Variants in TENM3 observed in about 807,000 individuals in gnomAD.
The protein encoded by TENM3 is teneurin transmembrane protein 3.
Under a neutral mutation model 255.1 loss-of-function variants are expected in TENM3, and 63 were observed. The observed-to-expected ratio is 0.25, with a 90% CI of 0.20 to 0.30. TENM3 has a LOEUF of 0.30. TENM3 is among the 10% of genes least tolerant of loss of function. TENM3 has a pLI of 1.00. For missense variants in TENM3, 2,929 were observed against 3,461.1 expected (o/e 0.85, Z 3.86); for synonymous variants, 1,306 against 1,322.3 (o/e 0.99, Z 0.27).
intron 1 of TENM3, among the ~76,000 whole-genome samples, chr4:182,280,730 T>A (rs918661577): frequency 8.5e-5 from 13 of 152,154 alleles, no homozygotes; most frequent in African/African-American, 2.4e-4. Flanking sequence ...GCGGGTCAAT[T>A]GGACTTGCCA....
At chr4:182,455,248 A>G (rs911222949) in intron 3 of TENM3, among the ~76,000 whole-genome samples, 2 of 152,136 alleles carry the variant, frequency 1.3e-5, no homozygotes, top group Non-Finnish European at 2.9e-5. Flanking sequence ...ATGAAGTATA[A>G]ACTCTCATTC....
intron 3 of TENM3, among the ~76,000 whole-genome samples, chr4:182,382,380 CA>C (rs1325308559): frequency 1.3e-5 from 2 of 149,350 alleles, no homozygotes; most frequent in African/African-American, 4.9e-5. Context: ...TTTATATTTT[CA>C]AGTTATACCC....
At chr4:182,114,866 A>C in the TENM3 span, among the ~76,000 whole-genome samples, 1 of 152,110 alleles carries the variant, frequency 6.6e-6, no homozygotes, top group Non-Finnish European at 1.5e-5. Context: ...TTATTTTTTA[A>C]AATAGGGAAT....
the TENM3 span, among the ~76,000 whole-genome samples, chr4:181,573,264 G>A: frequency 6.6e-6 from 1 of 151,982 alleles, no homozygotes; most frequent in Non-Finnish European, 1.5e-5. Context: ...CCTAGCACTG[G>A]GATTGCTGGA....
At chr4:182,319,252 G>A (rs1762909900) in intron 1 of TENM3, among the ~76,000 whole-genome samples, 1 of 152,186 alleles carries the variant, frequency 6.6e-6, no homozygotes, top group South Asian at 2.1e-4. Flanking sequence ...CACTATCAAA[G>A]TGCTCTAACA....
chr4:181,512,092 A>G, the TENM3 span, among the ~76,000 whole-genome samples: 28 of 152,180 alleles, frequency 1.8e-4, 2 homozygotes, highest in East Asian at 4.7e-3. Flanking sequence ...TTCATTGCTC[A>G]CTACTGGCCC....
At chr4:182,213,877 C>CTGCAAG (rs1340808619) in intron 1 of TENM3, among the ~76,000 whole-genome samples, 1 of 152,146 alleles carries the variant, frequency 6.6e-6, no homozygotes, top group Non-Finnish European at 1.5e-5. Context: ...TCTCGGCTCA[C>CTGCAAG]TGCAAGCTCT....
At chr4:181,648,268 G>A in the TENM3 span, among the ~76,000 whole-genome samples, 16 of 152,148 alleles carry the variant, frequency 1.1e-4, no homozygotes, top group Non-Finnish European at 2.2e-4. Flanking sequence ...AGAACATGGA[G>A]ATACGGCTCT....
At chr4:182,338,785 A>AT (rs572299108) in intron 2 of TENM3, among the ~76,000 whole-genome samples, 246 of 151,748 alleles carry the variant, frequency 1.6e-3, no homozygotes, top group Non-Finnish European at 3.0e-3. Flanking sequence ...ATTTATTTGT[A>AT]TTTTTTTTGC....
the TENM3 span, among the ~76,000 whole-genome samples, chr4:181,493,712 C>T: frequency 2.0e-5 from 3 of 151,334 alleles, no homozygotes; most frequent in African/African-American, 7.3e-5. Flanking sequence ...CTATTGCACT[C>T]CAGCCTGGGC....
chr4:181,598,014 T>C, the TENM3 span, among the ~76,000 whole-genome samples: 3 of 152,162 alleles, frequency 2.0e-5, no homozygotes, highest in African/African-American at 7.2e-5. Flanking sequence ...TTCTGGCAGA[T>C]GTATGATGTA....
At chr4:182,733,431 G>A (rs1055988259) in intron 16 of TENM3, among the ~76,000 whole-genome samples, 4 of 144,100 alleles carry the variant, frequency 2.8e-5, no homozygotes, top group African/African-American at 1.0e-4. Flanking sequence ...CCTATATTGG[G>A]CAAGGGTGGA....
intron 3 of TENM3, among the ~76,000 whole-genome samples, chr4:182,404,706 A>G (rs1368001464): frequency 2.6e-5 from 4 of 152,242 alleles, no homozygotes; most frequent in Non-Finnish European, 5.9e-5. Flanking sequence ...CAGCGTGTAA[A>G]TAAAGTACAT....
chr4:182,185,140 C>T (rs185249952), intron 1 of TENM3, among the ~76,000 whole-genome samples: 3 of 152,172 alleles, frequency 2.0e-5, no homozygotes, highest in East Asian at 1.9e-4. Flanking sequence ...TGTCAAAAAA[C>T]GGATTGCAAA....
chr4:181,571,974 A>G, the TENM3 span, among the ~76,000 whole-genome samples: 1 of 152,200 alleles, frequency 6.6e-6, no homozygotes, highest in Non-Finnish European at 1.5e-5. Flanking sequence ...AGGAATCTTT[A>G]TAGTGTATAT....
intron 4 of TENM3, among the ~76,000 whole-genome samples, chr4:182,624,032 A>C (rs1444482503): frequency 1.3e-5 from 2 of 149,888 alleles, no homozygotes; most frequent in East Asian, 1.9e-4. Context: ...TCTGAGATGT[A>C]AGGCACAGGT....
chr4:181,989,971 T>C, the TENM3 span, among the ~76,000 whole-genome samples: 1 of 152,152 alleles, frequency 6.6e-6, no homozygotes, highest in African/African-American at 2.4e-5. Flanking sequence ...AGGTCTTATA[T>C]AGCATTATTG....
intron 3 of TENM3, among the ~76,000 whole-genome samples, chr4:182,537,601 C>T (rs988678335): frequency 9.2e-5 from 14 of 152,198 alleles, no homozygotes; most frequent in African/African-American, 3.4e-4. Flanking sequence ...GTAGAATGCT[C>T]TCCTTCCTTC....
Position 182,387,611 on chromosome 4 carries a change from G to A in TENM3, c.511+40682G>A, listed in dbSNP as rs551971310. On this transcript the variant is annotated intron_variant, in intron 3 of 27. Coordinates refer to ENST00000511685, the MANE Select transcript of TENM3 (RefSeq NM_001080477.4). ...TTTTATGAGCTGTAACACTCGCCAC[G>A]AAGATCTGCAGTTTCACTCCTGAGC... Among the ~76,000 whole-genome samples, 14 of 152,146 alleles carry A rather than the reference G, an allele frequency of 9.2e-5. 1 individual carries two copies. The South Asian group carries it at 2.3e-3, about 25-fold the overall frequency.
Sources: allele counts gnomAD v4.1 joint callset (sites outside exome capture counted in the v4.1 genomes callset), GRCh38; gene constraint gnomAD v4.1.1; transcripts MANE v1.5; gene names NCBI Gene and HGNC (gene_info 2026-07-23, HGNC 2026-07-21).